The following GPC5 variants were observed in gnomAD, a reference collection of about 807,000 sequenced individuals.
GPC5 encodes the protein glypican 5, also known as glypican-5.
In GPC5, 47 loss-of-function variants were observed where a neutral mutation model predicts 53.9. The ratio of observed to expected loss-of-function variants is 0.87; its 90% CI spans 0.69 to 1.11. The LOEUF is 1.11. GPC5 is among the 50% of genes most tolerant of loss of function. The pLI, the probability that GPC5 is intolerant of heterozygous loss-of-function variation, is 0.00. For synonymous variants in GPC5, 286 were observed against 263.3 expected (o/e 1.09, Z -0.84); for missense variants, 748 against 713.1 (o/e 1.05, Z -0.56).
chr13:92,660,380 C>G (rs1886294096), intron 7 of GPC5, among the ~76,000 whole-genome samples: 1 of 151,676 alleles, frequency 6.6e-6, no homozygotes, highest in Admixed American at 6.6e-5. Flanking sequence ...CACACATAGG[C>G]ACATCATTTC....
intron 5 of GPC5, among the ~76,000 whole-genome samples, chr13:91,770,129 C>T (rs1372869877): frequency 6.6e-6 from 1 of 152,128 alleles, no homozygotes; most frequent in Non-Finnish European, 1.5e-5. Flanking sequence ...CCTGTGTTTA[C>T]TCTTTTATTA....
intron 4 of GPC5, among the ~76,000 whole-genome samples, chr13:91,737,105 G>C (rs2036833640): frequency 1.3e-5 from 2 of 151,398 alleles, no homozygotes; most frequent in South Asian, 4.1e-4. Context: ...CTCCGTCTCA[G>C]ATTACTTTTT....
chr13:91,510,405 A>G (rs1429580146), intron 2 of GPC5, among the ~76,000 whole-genome samples: 1 of 152,206 alleles, frequency 6.6e-6, no homozygotes, highest in African/African-American at 2.4e-5. Flanking sequence ...GGGAAGCTGC[A>G]AAATTTGGTT....
intron 7 of GPC5, among the ~76,000 whole-genome samples, chr13:92,691,582 G>T (rs1480751182): frequency 6.6e-6 from 1 of 151,990 alleles, no homozygotes; most frequent in Non-Finnish European, 1.5e-5. Context: ...GGCCATCTTG[G>T]CTCCTCCCTC....
At chr13:92,383,855 A>G (rs1048648848) in intron 7 of GPC5, among the ~76,000 whole-genome samples, 7 of 152,196 alleles carry the variant, frequency 4.6e-5, no homozygotes, top group South Asian at 2.1e-4. Context: ...AGAAATACCA[A>G]TAGTAACTCT....
At chr13:92,245,111 C>T (rs940425876) in intron 7 of GPC5, among the ~76,000 whole-genome samples, 2 of 151,758 alleles carry the variant, frequency 1.3e-5, no homozygotes, top group East Asian at 1.9e-4. Flanking sequence ...GCTGCTGGGA[C>T]ACTTGTCTCT....
intron 5 of GPC5, among the ~76,000 whole-genome samples, chr13:91,824,220 A>G (rs1471737534): frequency 2.6e-5 from 4 of 152,068 alleles, no homozygotes; most frequent in East Asian, 1.9e-4. Context: ...AAATTTTGAA[A>G]TCAATTCAAC....
chr13:92,502,123 A>G (rs1017595106), intron 7 of GPC5, among the ~76,000 whole-genome samples: 2 of 152,088 alleles, frequency 1.3e-5, no homozygotes, highest in African/African-American at 4.8e-5. Context: ...AAAATGCTAA[A>G]ATACCAATTC....
intron 7 of GPC5, among the ~76,000 whole-genome samples, chr13:92,151,863 G>T (rs2041909772): frequency 6.6e-6 from 1 of 152,094 alleles, no homozygotes; most frequent in South Asian, 2.1e-4. Flanking sequence ...TCCAAATGGG[G>T]AGCTTAAAAA....
At chr13:92,369,509 T>C (rs1300510586) in intron 7 of GPC5, among the ~76,000 whole-genome samples, 1 of 152,202 alleles carries the variant, frequency 6.6e-6, no homozygotes, top group East Asian at 1.9e-4. Context: ...GTTGTTGTTT[T>C]CTCTTTGGTA....
rs568436754 is a variant in GPC5, at chr13:91,677,539, G to C, written c.326-15648G>C. On this transcript the variant is annotated intron_variant, in intron 2 of 7. Transcript: ENST00000377067. Reference sequence around the variant, plus strand: ...ACCTCAAGTCCCAGAGCTGGTTATGGGGGCATTTGGCAGATGAATTAGTTC... The same window carrying C: ...ACCTCAAGTCCCAGAGCTGGTTATGCGGGCATTTGGCAGATGAATTAGTTC... Among the ~76,000 whole-genome samples the C allele has an allele frequency of 3.3e-5, 5 of 152,120 alleles. No homozygotes were observed. The South Asian group carries it at 8.3e-4, about 25-fold the overall frequency.
chr13:91,790,665 T>C (rs1219475245), intron 5 of GPC5, among the ~76,000 whole-genome samples: 5 of 152,358 alleles, frequency 3.3e-5, no homozygotes, highest in South Asian at 2.1e-4. Context: ...GAAAAGCATC[T>C]GATAGAGTGT....
chr13:92,683,593 A>G lies in GPC5; in HGVS notation c.1562-182689A>G, dbSNP rs527546345. 3.9e-5 allele frequency among the ~76,000 whole-genome samples: 6 copies of G among 152,330 alleles called. No individual in the cohort carries two copies. In the South Asian group the frequency reaches 1.2e-3, roughly 32 times the overall value. On this transcript the variant is annotated intron_variant, in intron 7 of 7. Coordinates refer to ENST00000377067, the MANE Select transcript of GPC5 (RefSeq NM_004466.6). Reference sequence around the variant, plus strand: ...ATAAAGTGTTATAAATAATTCATATATGAAAAATTTACTTTTTCTATTAAT... The same window carrying G: ...ATAAAGTGTTATAAATAATTCATATGTGAAAAATTTACTTTTTCTATTAAT...
intron 6 of GPC5, among the ~76,000 whole-genome samples, chr13:92,080,884 C>A (rs1282230061): frequency 6.6e-6 from 1 of 152,156 alleles, no homozygotes; most frequent in Non-Finnish European, 1.5e-5. Flanking sequence ...CTGCTGTGCC[C>A]CATGGCCCAT....
intron 7 of GPC5, among the ~76,000 whole-genome samples, chr13:92,441,176 A>G (rs1197560505): frequency 6.6e-6 from 1 of 151,924 alleles, no homozygotes; most frequent in Admixed American, 6.6e-5. Context: ...GGTTCAAGCG[A>G]TTCTCATGAA....
At chr13:91,667,609 A>G (rs1026071703) in intron 2 of GPC5, among the ~76,000 whole-genome samples, 3 of 152,122 alleles carry the variant, frequency 2.0e-5, no homozygotes, top group Non-Finnish European at 4.4e-5. Context: ...TCTCCCCCAT[A>G]TCTCCCTAAC....
intron 7 of GPC5, among the ~76,000 whole-genome samples, chr13:92,635,603 T>A (rs1362013012): frequency 6.6e-6 from 1 of 152,174 alleles, no homozygotes; most frequent in Non-Finnish European, 1.5e-5. Flanking sequence ...AGGTCCCACT[T>A]CTCACCACTG....
intron 7 of GPC5, among the ~76,000 whole-genome samples, chr13:92,565,365 C>A (rs1757422217): frequency 1.3e-5 from 2 of 151,960 alleles, no homozygotes; most frequent in South Asian, 4.2e-4. Flanking sequence ...TAAGTTCTAT[C>A]TTTTTAAATA....
At chr13:92,100,569 A>G (rs1324657968) in intron 6 of GPC5, among the ~76,000 whole-genome samples, 1 of 152,174 alleles carries the variant, frequency 6.6e-6, no homozygotes, top group African/African-American at 2.4e-5. Context: ...TTTCATGTTT[A>G]TTATCCTCTT....
Sources: gnomAD v4.1 joint callset for allele counts (sites outside exome capture counted in the v4.1 genomes callset) on GRCh38, gnomAD v4.1.1 for gene constraint, MANE v1.5 for transcripts, NCBI Gene and HGNC (gene_info 2026-07-23, HGNC 2026-07-21) for gene names.